Variants in MICU3 observed in about 807,000 individuals in gnomAD.
The protein encoded by MICU3 is mitochondrial calcium uptake 3.
A neutral mutation model predicts 66.5 loss-of-function variants in MICU3; 62 were observed. The observed-to-expected ratio is 0.93, with a 90% confidence interval of 0.76 to 1.15. The LOEUF (loss-of-function observed/expected upper bound fraction) is 1.15, where lower values mean the gene tolerates loss of function less well. Among genes scored for constraint, MICU3 ranks in the 50% most tolerant of loss-of-function variants. The pLI, the probability that MICU3 is intolerant of heterozygous loss-of-function variation, is 0.00. For missense variants in MICU3, 779 were observed against 664.4 expected (o/e 1.17, Z -1.90); for synonymous variants, 308 against 240.7 (o/e 1.28, Z -2.59).
Position 17,041,917 on chromosome 8 carries a change from C to T in MICU3, c.381+14257C>T, listed in dbSNP as rs959268545. On this transcript the variant is annotated intron_variant, in intron 1 of 14. Transcript: ENST00000318063. ...TCTCGGAGCAAGATACAGAAATATG[C>T]GGAGTAACTATGATAGAGGTTTGGG... is the stretch of plus-strand genomic sequence containing the variant. 7.2e-5 allele frequency among the ~76,000 whole-genome samples: 11 copies of T among 152,012 alleles called. No individual in the cohort carries two copies. In the East Asian group the frequency reaches 1.2e-3, roughly 16 times the overall value.
the MICU3 span, chr8:17,132,415 A>C: frequency 6.6e-6 from 1 of 152,172 alleles, no homozygotes; most frequent in Non-Finnish European, 1.5e-5. Context: ...GTCCTCAATT[A>C]TCCTGCCTTT....
chr8:17,070,082 T>G (rs150972466), intron 3 of MICU3, among the ~76,000 whole-genome samples: 1 of 152,068 alleles, frequency 6.6e-6, no homozygotes, highest in African/African-American at 2.4e-5. Context: ...CCTTGTAAAG[T>G]TGAACTTGAA....
chr8:17,096,261 G>T (rs1381402665), intron 8 of MICU3, among the ~76,000 whole-genome samples: 2 of 151,848 alleles, frequency 1.3e-5, no homozygotes, highest in Admixed American at 6.6e-5. Flanking sequence ...TACTTAGCCT[G>T]TATGCATAGA....
At chr8:17,114,329 C>T in intron 12 of MICU3, 128 bp downstream of exon 12, 1 of 583,992 alleles carries the variant, frequency 1.7e-6, no homozygotes, top group East Asian at 2.9e-5. Flanking sequence ...TGTATACTTT[C>T]AGTGACAAGT....
At chr8:17,037,816 C>T (rs1156709700) in intron 1 of MICU3, among the ~76,000 whole-genome samples, 4 of 152,136 alleles carry the variant, frequency 2.6e-5, no homozygotes, top group Non-Finnish European at 4.4e-5. Flanking sequence ...TGCCCAAGGC[C>T]GTGGGAGCCT....
chr8:17,086,451 C>T (rs1799481292), intron 6 of MICU3, among the ~76,000 whole-genome samples: 2 of 152,116 alleles, frequency 1.3e-5, no homozygotes, highest in African/African-American at 4.8e-5. Context: ...CTGGAGCCTT[C>T]ATTCCAGTGC....
At position 17,068,986 on chromosome 8, in the gene MICU3, A is replaced by G. The variant is rs569497735; in HGVS notation, c.536-702A>G. Among the ~76,000 whole-genome samples the G allele has an allele frequency of 5.4e-4, 82 of 152,336 alleles. 1 individual carries two copies. Among genetic ancestry groups the G allele is most frequent in the African/African-American group, 1.9e-3 (79 of 41,582 alleles). ...TCAAATGTGAGCAAAGGAAATAGCAATACTGACTATACATTTGTCCCAACA... is the reference window on the plus strand; with the variant it reads ...TCAAATGTGAGCAAAGGAAATAGCAGTACTGACTATACATTTGTCCCAACA... On this transcript the variant is annotated intron_variant, in intron 2 of 14. Transcript: ENST00000318063.
intron 1 of MICU3, among the ~76,000 whole-genome samples, chr8:17,054,309 A>G (rs1034587343): frequency 3.3e-5 from 5 of 152,158 alleles, no homozygotes; most frequent in East Asian, 1.9e-4. Flanking sequence ...AAGTTTGATG[A>G]TATTTTATTT....
the MICU3 span, among the ~76,000 whole-genome samples, chr8:17,130,252 C>T: frequency 5.5e-3 from 836 of 152,212 alleles, 4 homozygotes; most frequent in Non-Finnish European, 9.0e-3. Flanking sequence ...AGACTAGGCG[C>T]GGTGGCTCAC....
At chr8:17,138,238 G>T in the MICU3 span, among the ~76,000 whole-genome samples, 2 of 151,984 alleles carry the variant, frequency 1.3e-5, no homozygotes, top group Non-Finnish European at 2.9e-5. Flanking sequence ...TTCCAAAGAG[G>T]TTTGCATTAA....
intron 2 of MICU3, among the ~76,000 whole-genome samples, chr8:17,067,212 A>G (rs1818858380): frequency 2.0e-5 from 3 of 152,160 alleles, no homozygotes; most frequent in African/African-American, 7.2e-5. Context: ...ATATGTTAAA[A>G]CTGTAGCGTA....
intron 1 of MICU3, among the ~76,000 whole-genome samples, chr8:17,049,354 A>G (rs1204934844): frequency 1.3e-5 from 2 of 152,178 alleles, no homozygotes; most frequent in African/African-American, 4.8e-5. Context: ...CTAGATATTT[A>G]TAAACTTTGT....
rs1405751925 is a variant in MICU3 at position 17,104,408 on chromosome 8, A to T, written c.1002A>T (p.Thr334=). 1 of 1,417,506 alleles carries T rather than the reference A, an allele frequency of 7.1e-7. No homozygotes were observed. Among genetic ancestry groups the T allele is most frequent in the East Asian group, 2.5e-5 (1 of 40,582 alleles). 87.8% of individuals were successfully genotyped at this position (1,417,506 alleles called of 1,614,324 possible). A position where few individuals can be genotyped will look rare whatever the true frequency, so the allele number is the denominator to read the frequency against. ...TTTTTAAGCGTGCTGATGACATCAC[A>T]AGTTTAGTAACAGATACTACACTTC... ...SDLAERADDI[T]SLVTDTTLLV... is the part of the protein sequence containing the mutation. The change falls in exon 10 of 15, where the codon ACA becomes ACT. Residue 334 remains threonine (T), a synonymous_variant. Coordinates refer to ENST00000318063, the MANE Select transcript of MICU3 (RefSeq NM_181723.3).
At chr8:17,034,768 C>T (rs549012707) in intron 1 of MICU3, among the ~76,000 whole-genome samples, 1 of 152,206 alleles carries the variant, frequency 6.6e-6, no homozygotes, top group Non-Finnish European at 1.5e-5. Context: ...CTTTAACAGA[C>T]GAGGACTTGC....
At chr8:17,109,694 A>G (rs1468726237) in intron 11 of MICU3, among the ~76,000 whole-genome samples, 2 of 152,132 alleles carry the variant, frequency 1.3e-5, no homozygotes, top group African/African-American at 4.8e-5. Flanking sequence ...TGTGCTATAC[A>G]ATCTTTGGGC....
At chr8:17,073,381 A>G (rs944843160) in intron 3 of MICU3, among the ~76,000 whole-genome samples, 3 of 151,984 alleles carry the variant, frequency 2.0e-5, no homozygotes, top group Admixed American at 2.0e-4. Context: ...GTGAACTGGC[A>G]TGTGAGGGAT....
chr8:17,110,731 T>A (rs1012298997), intron 11 of MICU3, among the ~76,000 whole-genome samples: 2 of 147,376 alleles, frequency 1.4e-5, no homozygotes, highest in East Asian at 2.3e-4. Flanking sequence ...ACCTGGCAAT[T>A]TTTTTGGGGA....
At chr8:17,062,572 AG>A (rs1165454630) in intron 1 of MICU3, among the ~76,000 whole-genome samples, 3 of 152,202 alleles carry the variant, frequency 2.0e-5, no homozygotes, top group African/African-American at 7.2e-5. Flanking sequence ...TCTTGCCAAA[AG>A]TTTCTTTGGG....
At chr8:17,071,865 A>T (rs944402569) in intron 3 of MICU3, among the ~76,000 whole-genome samples, 8 of 152,156 alleles carry the variant, frequency 5.3e-5, no homozygotes, top group African/African-American at 1.9e-4. Context: ...CTAACAGAAG[A>T]TGTACAAAAC....
Sources: allele counts gnomAD v4.1 joint callset (sites outside exome capture counted in the v4.1 genomes callset), GRCh38; gene constraint gnomAD v4.1.1; transcripts MANE v1.5; gene names NCBI Gene and HGNC (gene_info 2026-07-23, HGNC 2026-07-21).